The following EPS15 variants were observed in gnomAD, a reference collection of about 807,000 sequenced individuals.
EPS15 encodes epidermal growth factor receptor substrate 15.
In EPS15, 72 loss-of-function variants were observed where a neutral mutation model predicts 113.8. The ratio of observed to expected loss-of-function variants is 0.63; its 90% CI spans 0.52 to 0.77. EPS15 has a LOEUF of 0.77. Ranked by LOEUF, EPS15 falls within the 30% of genes least tolerant of loss-of-function variation. The probability of loss-of-function intolerance (pLI) is 0.00; values close to 1 mark genes in which losing one functional copy is unlikely to be tolerated. For synonymous variants in EPS15, 344 were observed against 363.4 expected (o/e 0.95, Z 0.61); for missense variants, 1,048 against 1,045.8 (o/e 1.00, Z -0.03).
At chr1:51,404,872 C>T (rs762026132) in intron 16 of EPS15, among the ~76,000 whole-genome samples, 21 of 152,192 alleles carry the variant, frequency 1.4e-4, no homozygotes, top group Non-Finnish European at 2.2e-4. Flanking sequence ...TATACTTTGA[C>T]AATCACCAGA....
chr1:51,486,061 G>A (rs1644115581), intron 1 of EPS15, among the ~76,000 whole-genome samples: 1 of 151,930 alleles, frequency 6.6e-6, no homozygotes, highest in South Asian at 2.1e-4. Context: ...GCCTCCCAAA[G>A]TGCTGGGATT....
intron 21 of EPS15, among the ~76,000 whole-genome samples, chr1:51,389,644 T>C (rs1324459043): frequency 7.2e-5 from 11 of 152,330 alleles, no homozygotes; most frequent in Admixed American, 1.3e-4. Flanking sequence ...AATCAATGTA[T>C]AAAAATCACA....
chr1:51,433,252 T>C (rs1176634626), intron 12 of EPS15, among the ~76,000 whole-genome samples: 4 of 152,096 alleles, frequency 2.6e-5, no homozygotes, highest in East Asian at 1.9e-4. Context: ...TGAACAGCTA[T>C]TGAGTAAATC....
rs750518752 is a variant in EPS15 at position 51,409,646 on chromosome 1, C to T, written c.1164G>A (p.Gln388=). The change falls in exon 14 of 25, where the codon CAG becomes CAA. Residue 388 remains glutamine (Q), a synonymous_variant. Coordinates refer to ENST00000371733, the MANE Select transcript of EPS15 (RefSeq NM_001981.3). ...GTTCCTGTACCTGCTGTTTCTGGGC[C>T]TGTAGTTTTTGCAGATTAGTATTCT... The part of the protein sequence containing the change: ...QRENTNLQKL[Q]AQKQQVQELL... 2 of 1,613,452 alleles carry T rather than the reference C, an allele frequency of 1.2e-6. No homozygotes were observed. Among genetic ancestry groups the T allele is most frequent in the South Asian group, 2.2e-5 (2 of 91,016 alleles).
chr1:51,497,237 C>T (rs1035302266), intron 1 of EPS15, among the ~76,000 whole-genome samples: 1 of 152,176 alleles, frequency 6.6e-6, no homozygotes, highest in African/African-American at 2.4e-5. Context: ...GCAATGATGA[C>T]TGCCATCACA....
At chr1:51,490,413 A>G (rs545171718) in intron 1 of EPS15, 1 of 316,316 alleles carries the variant, frequency 3.2e-6, no homozygotes, top group African/African-American at 2.3e-5. Context: ...AAAATACAAA[A>G]AATTAGCTGG....
chr1:51,419,606 T>A (rs1335787184), intron 13 of EPS15, among the ~76,000 whole-genome samples: 2 of 152,106 alleles, frequency 1.3e-5, no homozygotes, highest in African/African-American at 4.8e-5. Context: ...AGCATCACCA[T>A]TAGAAAGTAG....
At chr1:51,375,880 C>G (rs1303525291) in intron 21 of EPS15, among the ~76,000 whole-genome samples, 1 of 152,070 alleles carries the variant, frequency 6.6e-6, no homozygotes, top group Non-Finnish European at 1.5e-5. Flanking sequence ...CCAACTTAAC[C>G]ATAGGAACTG....
chr1:51,508,479 T>C (rs953776503), intron 1 of EPS15, among the ~76,000 whole-genome samples: 1 of 152,140 alleles, frequency 6.6e-6, no homozygotes, highest in Non-Finnish European at 1.5e-5. Context: ...ATCTCAACAA[T>C]GTGTATACAT....
chr1:51,399,877 A>C (rs1648352449), intron 19 of EPS15, among the ~76,000 whole-genome samples: 1 of 152,106 alleles, frequency 6.6e-6, no homozygotes, highest in Non-Finnish European at 1.5e-5. Flanking sequence ...AAAATCCAAA[A>C]AGACAGTTTG....
chr1:51,421,926 C>T (rs1295817002), intron 12 of EPS15, 68 bp from the exon 13 acceptor site: 1 of 1,593,264 alleles, frequency 6.3e-7, no homozygotes, highest in Non-Finnish European at 8.6e-7. Flanking sequence ...GTTATCCATC[C>T]TCCTAATCCT....
intron 1 of EPS15, among the ~76,000 whole-genome samples, chr1:51,489,081 G>A (rs1644180064): frequency 6.6e-6 from 1 of 151,014 alleles, no homozygotes; most frequent in African/African-American, 2.4e-5. Context: ...ACCCCACTTG[G>A]ATTGTTACTT....
chr1:51,433,689 G>A (rs905096271), intron 12 of EPS15, among the ~76,000 whole-genome samples: 18 of 152,238 alleles, frequency 1.2e-4, no homozygotes, highest in African/African-American at 4.1e-4. Flanking sequence ...AGCTCAGCAA[G>A]TGAACTTACA....
chr1:51,406,173 G>A (rs1018473068), intron 15 of EPS15, 65 bp from the exon 16 acceptor site: 174 of 1,381,828 alleles, frequency 1.3e-4, no homozygotes, highest in African/African-American at 1.0e-4. Context: ...ACATAAAAAC[G>A]CCCTCCTCCA....
intron 21 of EPS15, among the ~76,000 whole-genome samples, chr1:51,384,902 G>C (rs1647028360): frequency 6.6e-6 from 1 of 152,160 alleles, no homozygotes; most frequent in African/African-American, 2.4e-5. Context: ...ACATGCAAAT[G>C]AATGAAGTTG....
chr1:51,481,600 T>C (rs1570398495), intron 1 of EPS15, among the ~76,000 whole-genome samples: 1 of 152,202 alleles, frequency 6.6e-6, no homozygotes, highest in South Asian at 2.1e-4. Flanking sequence ...AGAAACCCAA[T>C]ATGTAACAAA....
At chr1:51,388,427 A>C (rs1017872017) in intron 21 of EPS15, among the ~76,000 whole-genome samples, 1 of 152,220 alleles carries the variant, frequency 6.6e-6, no homozygotes, top group Admixed American at 6.5e-5. Context: ...AAGCAAGAGC[A>C]AACACATTCA....
intron 8 of EPS15, among the ~76,000 whole-genome samples, chr1:51,449,709 T>C (rs1364926829): frequency 1.3e-5 from 2 of 151,268 alleles, no homozygotes; most frequent in Non-Finnish European, 1.5e-5. Flanking sequence ...CAAATCAATC[T>C]CCCCAAGAAT....
chr1:51,448,158 T>G, intron 8 of EPS15, 23 bp from the exon 9 acceptor site: 1 of 1,488,952 alleles, frequency 6.7e-7, no homozygotes, highest in South Asian at 1.1e-5. Context: ...TGAACCAGGG[T>G]CATATATATT....
Sources: allele counts gnomAD v4.1 joint callset (sites outside exome capture counted in the v4.1 genomes callset), GRCh38; gene constraint gnomAD v4.1.1; transcripts MANE v1.5; gene names NCBI Gene and HGNC (gene_info 2026-07-23, HGNC 2026-07-21).